Variants in GALK2 observed in about 807,000 individuals in gnomAD.
The protein encoded by GALK2 is N-acetylgalactosamine kinase.
A neutral mutation model predicts 52.4 loss-of-function variants in GALK2; 36 were observed. The observed-to-expected ratio is 0.69, with a 90% confidence interval of 0.53 to 0.91. The LOEUF is 0.91. GALK2 is among the 40% of genes least tolerant of loss of function. The pLI, the probability that GALK2 is intolerant of heterozygous loss-of-function variation, is 0.00. For synonymous variants in GALK2, 176 were observed against 199.1 expected, an observed-to-expected ratio of 0.88 and a Z score of 0.98; for missense variants, 579 against 559.1, an observed-to-expected ratio of 1.04 and a Z score of -0.36.
At chr15:49,272,682 A>G (rs538370178) in intron 5 of GALK2, among the ~76,000 whole-genome samples, 1 of 152,268 alleles carries the variant, frequency 6.6e-6, no homozygotes, top group South Asian at 2.1e-4. Flanking sequence ...ATCTGGAGAA[A>G]TATCCAAGGT....
At chr15:49,316,722 G>A (rs1203146317) in intron 8 of GALK2, among the ~76,000 whole-genome samples, 3 of 152,202 alleles carry the variant, frequency 2.0e-5, no homozygotes, top group Non-Finnish European at 4.4e-5. Context: ...TAGTTTAGGG[G>A]AGAGGAACCT....
intron 5 of GALK2, among the ~76,000 whole-genome samples, chr15:49,268,485 A>T (rs552378712): frequency 1.1e-4 from 16 of 152,346 alleles, no homozygotes; most frequent in African/African-American, 3.8e-4. Flanking sequence ...TAATATATCC[A>T]CTGAAAGATG....
At chr15:49,339,142 A>G (rs1275476773) in intron 3 of GALK2, among the ~76,000 whole-genome samples, 1 of 152,048 alleles carries the variant, frequency 6.6e-6, no homozygotes, top group East Asian at 1.9e-4. Flanking sequence ...CAGTTTGTCA[A>G]ACTTATTCTC....
intron 1 of GALK2, among the ~76,000 whole-genome samples, chr15:49,173,453 A>G (rs994672380): frequency 6.6e-6 from 1 of 152,050 alleles, no homozygotes; most frequent in Non-Finnish European, 1.5e-5. Context: ...AAAAATTTGG[A>G]TTATTTAAAA....
At position 49,257,378 on chromosome 15, in the gene GALK2, G is replaced by T. The variant is rs116323085; in HGVS notation, c.504+18011G>T. Among the ~76,000 whole-genome samples, 3 of 152,136 alleles carry T rather than the reference G, an allele frequency of 2.0e-5. No individual in the cohort carries two copies. In the East Asian group the frequency reaches 5.8e-4, roughly 29 times the overall value. ...GATGAAGGAGTTATTACACAGGGAGGTGGTAAAGGAGCAACAGAGGCAAAG... is the reference window on the plus strand; with the variant it reads ...GATGAAGGAGTTATTACACAGGGAGTTGGTAAAGGAGCAACAGAGGCAAAG... On this transcript the variant is annotated intron_variant, in intron 5 of 9. Coordinates refer to ENST00000560031, the MANE Select transcript of GALK2 (RefSeq NM_002044.4).
upstream of GALK2, among the ~76,000 whole-genome samples, chr15:49,167,376 A>C (rs2084855974): frequency 6.6e-6 from 1 of 151,482 alleles, no homozygotes; most frequent in Non-Finnish European, 1.5e-5. Context: ...TTTTTTTTTG[A>C]GATGGAGTTT....
At chr15:49,221,143 A>G (rs920063531) in intron 3 of GALK2, among the ~76,000 whole-genome samples, 11 of 152,110 alleles carry the variant, frequency 7.2e-5, no homozygotes, top group Admixed American at 3.3e-4. Context: ...GATCTTAGTC[A>G]TAAAATCTTT....
intron 3 of GALK2, chr15:49,223,059 G>T (rs1457282029): frequency 6.6e-6 from 1 of 152,000 alleles, no homozygotes; most frequent in Non-Finnish European, 1.5e-5. Context: ...TTTCAATCTT[G>T]GTACTTGTTA....
At chr15:49,262,054 C>G (rs1383248853) in intron 5 of GALK2, among the ~76,000 whole-genome samples, 1 of 152,142 alleles carries the variant, frequency 6.6e-6, no homozygotes, top group Non-Finnish European at 1.5e-5. Context: ...CTCTGCCCGG[C>G]TTTGACATCA....
chr15:49,258,796 G>A (rs200412263), intron 5 of GALK2, among the ~76,000 whole-genome samples: 133 of 79,666 alleles, frequency 1.7e-3, no homozygotes, highest in South Asian at 3.1e-3. Context: ...ATATATATAT[G>A]TGTGTGTGTG....
chr15:49,220,290 A>G (rs2089702871), intron 3 of GALK2, among the ~76,000 whole-genome samples: 1 of 151,840 alleles, frequency 6.6e-6, no homozygotes, highest in South Asian at 2.1e-4. Context: ...CACCTCTATT[A>G]TCTATTATTC....
chr15:49,156,057 C>T (rs2084436750), intron 1 of GALK2: 1 of 1,606,728 alleles, frequency 6.2e-7, no homozygotes, highest in African/African-American at 1.3e-5. Context: ...ATTTAGCCCA[C>T]ACATTGCGGT....
chr15:49,204,137 T>C (rs2088047312), intron 2 of GALK2, among the ~76,000 whole-genome samples: 1 of 151,834 alleles, frequency 6.6e-6, no homozygotes, highest in Non-Finnish European at 1.5e-5. Flanking sequence ...CAGTTGGCTG[T>C]AAATACATGG....
intron 3 of GALK2, among the ~76,000 whole-genome samples, chr15:49,353,293 G>A (rs2042517523): frequency 6.6e-6 from 1 of 152,094 alleles, no homozygotes; most frequent in African/African-American, 2.4e-5. Flanking sequence ...CCTCTTCAGT[G>A]CAATCAAGGG....
intron 8 of GALK2, among the ~76,000 whole-genome samples, chr15:49,315,496 C>A (rs2036330269): frequency 6.6e-6 from 1 of 152,176 alleles, no homozygotes; most frequent in Admixed American, 6.5e-5. Context: ...GTTGCCAGCA[C>A]ATAACAAGCC....
intron 3 of GALK2, chr15:49,366,263 C>G (rs1345801753): frequency 1.3e-6 from 1 of 786,400 alleles, no homozygotes; most frequent in African/African-American, 1.7e-5. Flanking sequence ...GTCTTTGTCA[C>G]TTATAAATGC....
chr15:49,183,546 T>C (rs558064173), intron 1 of GALK2, among the ~76,000 whole-genome samples: 1 of 152,218 alleles, frequency 6.6e-6, no homozygotes, highest in Non-Finnish European at 1.5e-5. Flanking sequence ...TTTTTGAATT[T>C]TTAAAGACTA....
chr15:49,210,605 A>G (rs1478806537), intron 2 of GALK2, among the ~76,000 whole-genome samples: 2 of 151,742 alleles, frequency 1.3e-5, no homozygotes, highest in Non-Finnish European at 1.5e-5. Context: ...ATGCTTGGCT[A>G]ATTTTTTGTA....
At chr15:49,192,671 G>C (rs907295143) in intron 1 of GALK2, among the ~76,000 whole-genome samples, 2 of 151,320 alleles carry the variant, frequency 1.3e-5, no homozygotes, top group African/African-American at 4.9e-5. Flanking sequence ...TATAATAGAA[G>C]AGTGCCTGTT....
Sources: allele counts gnomAD v4.1 joint callset (sites outside exome capture counted in the v4.1 genomes callset), GRCh38; gene constraint gnomAD v4.1.1; transcripts MANE v1.5; gene names NCBI Gene and HGNC (gene_info 2026-07-23, HGNC 2026-07-21).